The following KCNJ3 variants were observed in gnomAD, a reference collection of about 807,000 sequenced individuals.
KCNJ3 encodes the protein G protein-activated inward rectifier potassium channel 1.
KCNJ3 carries 4 observed loss-of-function variants against 39.2 expected under a neutral mutation model. The observed-to-expected ratio is 0.10, with a 90% CI of 0.05 to 0.23. The LOEUF is 0.23. KCNJ3 is among the 10% of genes least tolerant of loss of function. The pLI, the probability that KCNJ3 is intolerant of heterozygous loss-of-function variation, is 1.00. For synonymous variants in KCNJ3, 230 were observed against 237.4 expected (o/e 0.97, Z 0.29); for missense variants, 276 against 634.9 (o/e 0.43, Z 6.08).
At chr2:154,811,103 A>T (rs1362193701) in intron 2 of KCNJ3, among the ~76,000 whole-genome samples, 2 of 152,170 alleles carry the variant, frequency 1.3e-5, no homozygotes, top group Non-Finnish European at 2.9e-5. Flanking sequence ...TGTATGCTTA[A>T]TATGTACCAA....
rs1687863541 is a variant in KCNJ3, at chr2:154,857,784, G to A, written c.*2471G>A. 6.6e-6 allele frequency: 1 copy of A among 150,766 alleles called. No homozygotes were observed. The highest frequency in any genetic ancestry group is 2.4e-5 in the African/African-American group (1 of 40,860). The allele number at this position is 150,766 out of a possible 1,614,324, so 9.3% of individuals were successfully genotyped here. On this transcript the variant is annotated 3_prime_UTR_variant, in exon 3 of 3. Coordinates refer to ENST00000295101, the MANE Select transcript of KCNJ3 (RefSeq NM_002239.4). ...TAATCCCAGCTACTGGGGAAGCTGAGGCAGGAGAATCGTTTGAACCTGGGA... is the reference window on the plus strand; with the variant it reads ...TAATCCCAGCTACTGGGGAAGCTGAAGCAGGAGAATCGTTTGAACCTGGGA...
intron 2 of KCNJ3, among the ~76,000 whole-genome samples, chr2:154,773,304 A>T (rs1686274525): frequency 6.6e-6 from 1 of 152,158 alleles, no homozygotes; most frequent in South Asian, 2.1e-4. Flanking sequence ...TGAGATTAGT[A>T]CCAAAATATA....
chr2:154,849,897 G>A (rs1687725659), intron 2 of KCNJ3, among the ~76,000 whole-genome samples: 2 of 150,120 alleles, frequency 1.3e-5, no homozygotes, highest in South Asian at 4.2e-4. Flanking sequence ...GTTAGACTAT[G>A]TTGCTTCTAC....
intron 2 of KCNJ3, among the ~76,000 whole-genome samples, chr2:154,829,306 G>C (rs934147022): frequency 2.0e-5 from 3 of 152,018 alleles, no homozygotes; most frequent in African/African-American, 7.2e-5. Flanking sequence ...GTAGGCCCTG[G>C]TGTCTATTGT....
intron 2 of KCNJ3, among the ~76,000 whole-genome samples, chr2:154,801,980 G>T (rs1187479851): frequency 6.6e-6 from 1 of 152,222 alleles, no homozygotes; most frequent in South Asian, 2.1e-4. Context: ...AACAACAAAA[G>T]TAATTAGCCT....
At chr2:154,760,732 T>TTC (rs1574451711) in intron 2 of KCNJ3, among the ~76,000 whole-genome samples, 2 of 143,426 alleles carry the variant, frequency 1.4e-5, no homozygotes, top group Admixed American at 6.9e-5. Flanking sequence ...TTTTCTTTTT[T>TTC]TTCTTTTTTT....
chr2:154,727,324 G>T (rs1008489129), intron 2 of KCNJ3, among the ~76,000 whole-genome samples: 1 of 151,772 alleles, frequency 6.6e-6, no homozygotes, highest in African/African-American at 2.4e-5. Flanking sequence ...GGTGGCTCAC[G>T]CCTGTAATCC....
chr2:154,854,782 T>A lies in KCNJ3; in HGVS notation c.975T>A (p.His325Gln). ...SYTEDEVLWG[H>Q]RFFPVISLEE... Reference sequence around the variant, plus strand: ...CTGAAGATGAAGTTCTTTGGGGTCATCGTTTTTTTCCTGTAATTTCCTTAG... The same window carrying A: ...CTGAAGATGAAGTTCTTTGGGGTCAACGTTTTTTTCCTGTAATTTCCTTAG... The change falls in exon 3 of 3, where the codon CAT (histidine) becomes CAA (glutamine). Residue 325 changes from histidine to glutamine, a missense_variant. His to Gln is a conservative substitution (Grantham distance 24). This residue lies in a region of KCNJ3 where 77 missense variants were observed against 200.0 expected (regional missense o/e 0.38). Coordinates refer to ENST00000295101, the MANE Select transcript of KCNJ3 (RefSeq NM_002239.4). 1 of 1,613,918 alleles carries A rather than the reference T, an allele frequency of 6.2e-7. No individual in the cohort carries two copies. The highest frequency in any genetic ancestry group is 8.5e-7 in the Non-Finnish European group (1 of 1,179,886).
intron 2 of KCNJ3, among the ~76,000 whole-genome samples, chr2:154,752,898 C>T (rs1314761084): frequency 6.6e-6 from 1 of 151,906 alleles, no homozygotes; most frequent in Non-Finnish European, 1.5e-5. Context: ...AATAACAAAA[C>T]AATTACGTGA....
chr2:154,849,021 C>T (rs528965338), intron 2 of KCNJ3, among the ~76,000 whole-genome samples: 8 of 152,130 alleles, frequency 5.3e-5, no homozygotes, highest in Non-Finnish European at 1.2e-4. Context: ...TTTGTTTCTT[C>T]TTTTGCCTAC....
chr2:154,810,591 G>A (rs916330484), intron 2 of KCNJ3, among the ~76,000 whole-genome samples: 1 of 151,906 alleles, frequency 6.6e-6, no homozygotes, highest in Non-Finnish European at 1.5e-5. Flanking sequence ...AATAAATTTG[G>A]CATTTAACTG....
intron 2 of KCNJ3, among the ~76,000 whole-genome samples, chr2:154,756,542 C>G (rs1197452774): frequency 6.6e-6 from 1 of 151,674 alleles, no homozygotes; most frequent in East Asian, 1.9e-4. Context: ...CCTGACAGGC[C>G]CTGATGTGTG....
intron 2 of KCNJ3, among the ~76,000 whole-genome samples, chr2:154,717,052 C>T (rs1392212608): frequency 1.3e-5 from 2 of 152,094 alleles, no homozygotes; most frequent in African/African-American, 4.8e-5. Context: ...AGGAGTGGTC[C>T]CTAATGGATT....
intron 2 of KCNJ3, among the ~76,000 whole-genome samples, chr2:154,764,691 C>T (rs1686101575): frequency 1.5e-5 from 2 of 135,864 alleles, no homozygotes; most frequent in African/African-American, 5.4e-5. Context: ...CTAACAATAG[C>T]TGATAATCTA....
intron 2 of KCNJ3, among the ~76,000 whole-genome samples, chr2:154,805,541 G>A (rs1049693234): frequency 4.6e-5 from 7 of 152,242 alleles, no homozygotes; most frequent in African/African-American, 1.7e-4. Context: ...GAGCAAAGGA[G>A]CTAAAAGATT....
intron 2 of KCNJ3, among the ~76,000 whole-genome samples, chr2:154,849,732 A>G (rs934012883): frequency 6.6e-6 from 1 of 152,206 alleles, no homozygotes; most frequent in African/African-American, 2.4e-5. Flanking sequence ...TGAAAGTTTA[A>G]TTAAGGACTT....
chr2:154,825,921 G>A (rs904533256), intron 2 of KCNJ3, among the ~76,000 whole-genome samples: 31 of 149,770 alleles, frequency 2.1e-4, no homozygotes, highest in Non-Finnish European at 4.3e-4. Flanking sequence ...TTACAAACAA[G>A]CTTAATCATG....
At chr2:154,829,771 A>T (rs2937610) in intron 2 of KCNJ3, among the ~76,000 whole-genome samples, 30,412 of 151,874 alleles carry the variant, frequency 0.2, 3,347 homozygotes, top group East Asian at 0.36. Context: ...ACAGTTTATT[A>T]ATCAATAAGA....
chr2:154,758,659 G>T (rs1027264443), intron 2 of KCNJ3, among the ~76,000 whole-genome samples: 6 of 152,120 alleles, frequency 3.9e-5, no homozygotes, highest in African/African-American at 1.2e-4. Flanking sequence ...AAACCCCATG[G>T]ATCCCCAATA....
Sources: allele counts gnomAD v4.1 joint callset (sites outside exome capture counted in the v4.1 genomes callset), GRCh38; gene constraint gnomAD v4.1.1; regional missense constraint gnomAD v4.1.1; transcripts MANE v1.5; gene names NCBI Gene and HGNC (gene_info 2026-07-23, HGNC 2026-07-21).